GALNT17: variants seen among roughly 807,000 people sequenced by gnomAD.
The protein encoded by GALNT17 is polypeptide N-acetylgalactosaminyltransferase 17.
Under a neutral mutation model 63.7 loss-of-function variants are expected in GALNT17, and 29 were observed. That is an observed-to-expected ratio of 0.46 (90% CI 0.34 to 0.62). The LOEUF (loss-of-function observed/expected upper bound fraction) is 0.62. GALNT17 is among the 20% of genes least tolerant of loss of function. The pLI is 0.01. For synonymous variants in GALNT17, 305 were observed against 318.3 expected (o/e 0.96, Z 0.45); for missense variants, 603 against 799.6 (o/e 0.75, Z 2.97).
At chr7:71,137,428 C>T (rs574318683) in intron 1 of GALNT17, among the ~76,000 whole-genome samples, 17 of 152,172 alleles carry the variant, frequency 1.1e-4, no homozygotes, top group Admixed American at 3.3e-4. Context: ...CGTGAGCCAC[C>T]GCGCCCGGCC....
intron 4 of GALNT17, among the ~76,000 whole-genome samples, chr7:71,420,549 A>G (rs75095423): frequency 0.045 from 6,901 of 152,234 alleles, 559 homozygotes; most frequent in African/African-American, 0.16. Context: ...TAAAACTGTC[A>G]TGCAATGTGA....
At chr7:71,710,256 T>C (rs1365786915) in intron 9 of GALNT17, among the ~76,000 whole-genome samples, 1 of 152,102 alleles carries the variant, frequency 6.6e-6, no homozygotes, top group African/African-American at 2.4e-5. Context: ...ATGCCTGTAA[T>C]CCCAGCACTT....
At chr7:71,641,412 CGT>C (rs1790600841) in intron 6 of GALNT17, among the ~76,000 whole-genome samples, 1 of 152,028 alleles carries the variant, frequency 6.6e-6, no homozygotes, top group African/African-American at 2.4e-5. Flanking sequence ...AACAAAATAC[CGT>C]ACACTAGGTA....
intron 5 of GALNT17, among the ~76,000 whole-genome samples, chr7:71,472,686 A>AAAACTAAACTAAACT (rs565689948): frequency 2.0e-5 from 3 of 152,064 alleles, no homozygotes; most frequent in African/African-American, 7.3e-5. Flanking sequence ...CTTTGTCTCA[A>AAAACTAAACTAAACT]AAACTAAACT....
intron 5 of GALNT17, among the ~76,000 whole-genome samples, chr7:71,441,454 TTTTTTC>T (rs1193111750): frequency 1.3e-5 from 2 of 152,164 alleles, no homozygotes; most frequent in African/African-American, 4.8e-5. Context: ...CTCCACAGTT[TTTTTTC>T]TTTTTCTTTT....
intron 1 of GALNT17, among the ~76,000 whole-genome samples, chr7:71,138,746 G>C (rs2116156366): frequency 6.6e-6 from 1 of 152,232 alleles, no homozygotes; most frequent in South Asian, 2.1e-4. Context: ...GGCCGAGGTG[G>C]GTGGATCACT....
At chr7:71,422,940 G>A (rs1039465829) in intron 5 of GALNT17, among the ~76,000 whole-genome samples, 2 of 152,170 alleles carry the variant, frequency 1.3e-5, no homozygotes, top group Non-Finnish European at 2.9e-5. Flanking sequence ...TTCCCCTGGA[G>A]TTGGGTTGCA....
At chr7:71,438,320 G>T (rs1319445733) in intron 5 of GALNT17, among the ~76,000 whole-genome samples, 1 of 152,188 alleles carries the variant, frequency 6.6e-6, no homozygotes, top group Non-Finnish European at 1.5e-5. Context: ...TGCAGTCTGG[G>T]AGGCTAAGCT....
chr7:71,338,102 C>T (rs1025318925), intron 2 of GALNT17, among the ~76,000 whole-genome samples: 2 of 151,666 alleles, frequency 1.3e-5, no homozygotes, highest in Non-Finnish European at 1.5e-5. Flanking sequence ...CCGAGGCGGG[C>T]GGATCACGAG....
chr7:71,184,089 A>G (rs1788786852), intron 1 of GALNT17, among the ~76,000 whole-genome samples: 2 of 152,158 alleles, frequency 1.3e-5, no homozygotes, highest in South Asian at 4.1e-4. Flanking sequence ...TGTCCTTATA[A>G]AAAGAGGAGA....
intron 1 of GALNT17, among the ~76,000 whole-genome samples, chr7:71,141,380 AAAAG>A (rs1321282932): frequency 1.3e-5 from 2 of 151,676 alleles, no homozygotes; most frequent in African/African-American, 4.8e-5. Context: ...CTCAAAAAAA[AAAAG>A]AAAAGAAAAA....
chr7:71,397,943 T>C (rs140746686), intron 3 of GALNT17, among the ~76,000 whole-genome samples: 21 of 7,496 alleles, frequency 2.8e-3, no homozygotes, highest in Middle Eastern at 0.031. Context: ...TTATTGTCTT[T>C]GTTGTTGTTG....
intron 1 of GALNT17, among the ~76,000 whole-genome samples, chr7:71,271,219 A>G (rs1355253040): frequency 6.6e-6 from 1 of 152,208 alleles, no homozygotes; most frequent in African/African-American, 2.4e-5. Flanking sequence ...TTTTCTTTAC[A>G]ATAGCCCATA....
At chr7:71,439,963 T>G (rs1787035854) in intron 5 of GALNT17, among the ~76,000 whole-genome samples, 1 of 141,428 alleles carries the variant, frequency 7.1e-6, no homozygotes, top group Non-Finnish European at 1.5e-5. Context: ...TTTTTTTTTT[T>G]GAGACAGAAT....
At chr7:71,423,339 G>A (rs1786700817) in intron 5 of GALNT17, among the ~76,000 whole-genome samples, 1 of 152,156 alleles carries the variant, frequency 6.6e-6, no homozygotes, top group Non-Finnish European at 1.5e-5. Context: ...CCTGTGAATG[G>A]TACCTTATTT....
chr7:71,685,690 A>G (rs907503270), intron 9 of GALNT17: 1 of 152,102 alleles, frequency 6.6e-6, no homozygotes, highest in East Asian at 1.9e-4. Context: ...AGATCAGCTG[A>G]ATCAACCCTG....
chr7:71,323,308 G>A (rs930020686), intron 1 of GALNT17, among the ~76,000 whole-genome samples: 4 of 152,202 alleles, frequency 2.6e-5, no homozygotes, highest in African/African-American at 9.6e-5. Context: ...GGAGAATACA[G>A]TATAAGCTGG....
intron 5 of GALNT17, among the ~76,000 whole-genome samples, chr7:71,503,812 A>C (rs1788220431): frequency 6.6e-6 from 1 of 152,074 alleles, no homozygotes; most frequent in Non-Finnish European, 1.5e-5. Context: ...TACGTTAATA[A>C]GGGCTGGGCA....
At chr7:71,628,906 T>C (rs1187583345) in intron 6 of GALNT17, among the ~76,000 whole-genome samples, 1 of 152,096 alleles carries the variant, frequency 6.6e-6, no homozygotes, top group East Asian at 2.0e-4. Flanking sequence ...CACCTCAGCC[T>C]GGATGACAGC....
Sources: gnomAD v4.1 joint callset for allele counts (sites outside exome capture counted in the v4.1 genomes callset) on GRCh38, gnomAD v4.1.1 for gene constraint, MANE v1.5 for transcripts, NCBI Gene and HGNC (gene_info 2026-07-23, HGNC 2026-07-21) for gene names.